Variants in GNAL observed in about 807,000 individuals in gnomAD.
GNAL encodes G protein subunit alpha L.
In GNAL, 18 loss-of-function variants were observed where a neutral mutation model predicts 55.1. That is an observed-to-expected ratio of 0.33 (90% CI 0.23 to 0.48). The LOEUF (loss-of-function observed/expected upper bound fraction) is 0.48, where lower values mean the gene tolerates loss of function less well. Ranked by LOEUF, GNAL falls within the 20% of genes least tolerant of loss-of-function variation. The probability of loss-of-function intolerance (pLI) is 0.99; values close to 1 mark genes in which losing one functional copy is unlikely to be tolerated. For missense variants in GNAL, 412 were observed against 614.1 expected (o/e 0.67, Z 3.48); for synonymous variants, 253 against 237.0 (o/e 1.07, Z -0.62).
intron 1 of GNAL, among the ~76,000 whole-genome samples, chr18:11,749,615 C>T (rs1200553518): frequency 6.6e-6 from 1 of 152,166 alleles, no homozygotes; most frequent in Non-Finnish European, 1.5e-5. Flanking sequence ...TCAAGGAGTC[C>T]ACAGTCTAGT....
rs539655974 is a variant in GNAL, at chr18:11,792,550, C to G, written c.625-32368C>G. Among the ~76,000 whole-genome samples, 10 of 152,324 alleles carry G rather than the reference C, an allele frequency of 6.6e-5. No homozygotes were observed. The East Asian group carries it at 1.9e-3, about 29-fold the overall frequency. ...CATAGTCTCCCTACTGAAGTGTTGACTTCTTGAGAACAGGAGTATTGGCCA... is the reference window on the plus strand; with the variant it reads ...CATAGTCTCCCTACTGAAGTGTTGAGTTCTTGAGAACAGGAGTATTGGCCA... On this transcript the variant is annotated intron_variant, in intron 4 of 11. Transcript: ENST00000334049.
chr18:11,759,167 C>A (rs1027278491), intron 4 of GNAL, among the ~76,000 whole-genome samples: 1 of 149,628 alleles, frequency 6.7e-6, no homozygotes, highest in Non-Finnish European at 1.5e-5. Flanking sequence ...AGCGAGACTC[C>A]GTCTCAAAAA....
intron 4 of GNAL, among the ~76,000 whole-genome samples, chr18:11,756,406 A>G (rs2033057032): frequency 6.6e-6 from 1 of 152,194 alleles, no homozygotes; most frequent in Non-Finnish European, 1.5e-5. Flanking sequence ...ATGTAATTAC[A>G]GTGCTCTTTC....
At chr18:11,851,665 G>A in intron 5 of GNAL, 1 of 1,614,002 alleles carries the variant, frequency 6.2e-7, no homozygotes, top group South Asian at 1.1e-5. Flanking sequence ...GAGGATACAC[G>A]CCGAAAATGC....
At chr18:11,774,961 T>C (rs2033738450) in intron 4 of GNAL, among the ~76,000 whole-genome samples, 1 of 152,210 alleles carries the variant, frequency 6.6e-6, no homozygotes, top group Non-Finnish European at 1.5e-5. Flanking sequence ...TGGGCAGGGC[T>C]CACACAGCAC....
intron 4 of GNAL, among the ~76,000 whole-genome samples, chr18:11,767,785 G>A (rs1000548242): frequency 6.6e-6 from 1 of 152,150 alleles, no homozygotes; most frequent in African/African-American, 2.4e-5. Context: ...CATCCCACCA[G>A]GTCTTGCTCT....
intron 4 of GNAL, among the ~76,000 whole-genome samples, chr18:11,760,328 G>C (rs557993100): frequency 6.6e-6 from 1 of 152,226 alleles, no homozygotes; most frequent in African/African-American, 2.4e-5. Context: ...ATTCAAAATG[G>C]TACTGAAATT....
At chr18:11,725,774 T>C (rs1180544928) in intron 1 of GNAL, among the ~76,000 whole-genome samples, 1 of 152,224 alleles carries the variant, frequency 6.6e-6, no homozygotes, top group Non-Finnish European at 1.5e-5. Context: ...AGTTCTCAAC[T>C]CATTTGGGTA....
intron 4 of GNAL, among the ~76,000 whole-genome samples, chr18:11,804,811 C>T (rs1273157995): frequency 7.7e-6 from 1 of 129,092 alleles, no homozygotes; most frequent in Non-Finnish European, 1.6e-5. Context: ...TGGTGAAGTA[C>T]AGGTGCAGTT....
At position 11,784,012 on chromosome 18, in the gene GNAL, C is replaced by T. The variant is rs142607282; in HGVS notation, c.624+30067C>T. ...TTGTCCTGTGAGGCAGGAGGGTAGC[C>T]AGCTACTCCAGGCCCCCTGGTACCT... On this transcript the variant is annotated intron_variant, in intron 4 of 11. Coordinates refer to ENST00000334049, the MANE Select transcript of GNAL (RefSeq NM_182978.4). Among the ~76,000 whole-genome samples, 55 of 152,378 alleles carry T rather than the reference C, an allele frequency of 3.6e-4. No individual in the cohort carries two copies. The East Asian group carries it at 0.01, about 28-fold the overall frequency.
chr18:11,849,200 T>G (rs1170330960), intron 5 of GNAL, among the ~76,000 whole-genome samples: 1 of 152,168 alleles, frequency 6.6e-6, no homozygotes, highest in African/African-American at 2.4e-5. Context: ...TAGTCAGAAT[T>G]TGTCATTAAG....
At chr18:11,706,000 C>T (rs2031701737) in intron 1 of GNAL, among the ~76,000 whole-genome samples, 1 of 152,038 alleles carries the variant, frequency 6.6e-6, no homozygotes, top group Admixed American at 6.5e-5. Flanking sequence ...AGTGATCTGC[C>T]CACCTCGGCC....
At chr18:11,844,947 C>A (rs2035698613) in intron 5 of GNAL, among the ~76,000 whole-genome samples, 1 of 152,058 alleles carries the variant, frequency 6.6e-6, no homozygotes, top group Non-Finnish European at 1.5e-5. Flanking sequence ...CTCACTGCAA[C>A]CTCCGCCTCC....
intron 4 of GNAL, among the ~76,000 whole-genome samples, chr18:11,772,894 C>T (rs1307173750): frequency 6.6e-6 from 1 of 152,246 alleles, no homozygotes; most frequent in Admixed American, 6.5e-5. Context: ...GTCAGTCTCT[C>T]ATTACAGTCC....
chr18:11,746,959 T>C, intron 1 of GNAL: 4 of 525,648 alleles, frequency 7.6e-6, no homozygotes, highest in South Asian at 5.7e-5. Context: ...TAGGTGAGTA[T>C]TTAATTTCCG....
At chr18:11,742,225 C>G (rs16976625) in intron 1 of GNAL, among the ~76,000 whole-genome samples, 9,433 of 152,248 alleles carry the variant, frequency 0.062, 425 homozygotes, top group African/African-American at 0.12. Flanking sequence ...GTTGACCGTA[C>G]TATAGTTCGT....
intron 2 of GNAL, 115 bp from the exon 3 acceptor site, chr18:11,753,513 C>T (rs1287727472): frequency 5.8e-6 from 4 of 689,974 alleles, no homozygotes; most frequent in Admixed American, 5.0e-5. Flanking sequence ...TGATACTGAC[C>T]TCTAGTGAAA....
chr18:11,876,668 T>C lies in GNAL; in HGVS notation c.1210T>C (p.Phe404Leu). 6.2e-7 allele frequency: 1 copy of C among 1,604,744 alleles called. No homozygotes were observed. The highest frequency in any genetic ancestry group is 8.5e-7 in the Non-Finnish European group (1 of 1,171,374). ...EDPKVTRAKF[F>L]IRDLFLRIST... ...TCCCAAAGTTACAAGAGCCAAGTTCTTTATCCGGGACCTGTTTTTGGTAAG... is the reference window on the plus strand; with the variant it reads ...TCCCAAAGTTACAAGAGCCAAGTTCCTTATCCGGGACCTGTTTTTGGTAAG... Residue 404 changes from phenylalanine (F) to leucine (L), a missense_variant, in exon 11 of 12, where the codon TTT (phenylalanine) becomes CTT (leucine). Transcript: ENST00000334049.
chr18:11,820,776 A>G (rs1216472657), intron 4 of GNAL, among the ~76,000 whole-genome samples: 2 of 152,276 alleles, frequency 1.3e-5, no homozygotes, highest in African/African-American at 2.4e-5. Flanking sequence ...ACTTAGCTGT[A>G]TGCTAGTCCA....
Sources: gnomAD v4.1 joint callset for allele counts (sites outside exome capture counted in the v4.1 genomes callset) on GRCh38, gnomAD v4.1.1 for gene constraint, MANE v1.5 for transcripts, NCBI Gene and HGNC (gene_info 2026-07-23, HGNC 2026-07-21) for gene names.